NID1: variants seen among roughly 807,000 people sequenced by gnomAD.
The protein encoded by NID1 is nidogen 1, also known as nidogen-1.
NID1 carries 76 observed loss-of-function variants against 130.6 expected under a neutral mutation model. The ratio of observed to expected loss-of-function variants is 0.58; its 90% CI spans 0.48 to 0.70. The LOEUF (loss-of-function observed/expected upper bound fraction) is 0.70. Among genes scored for constraint, NID1 ranks in the 30% least tolerant of loss-of-function variants. The pLI, the probability that NID1 is intolerant of heterozygous loss-of-function variation, is 0.00. For synonymous variants in NID1, 665 were observed against 675.1 expected (o/e 0.98, Z 0.23); for missense variants, 1,517 against 1,664.8 (o/e 0.91, Z 1.54).
At chr1:236,053,024 G>A (rs185279313) in intron 1 of NID1, among the ~76,000 whole-genome samples, 30 of 152,342 alleles carry the variant, frequency 2.0e-4, no homozygotes, top group Admixed American at 4.6e-4. Context: ...GCAAGCTGCC[G>A]GATTTGTGAT....
chr1:236,064,641 C>T, intron 1 of NID1: 1 of 605,982 alleles, frequency 1.7e-6, no homozygotes, highest in Non-Finnish European at 3.0e-6. Flanking sequence ...CGGAGCCACC[C>T]AGACCCCGCG....
intron 4 of NID1, among the ~76,000 whole-genome samples, chr1:236,041,394 G>GAT (rs926870583): frequency 5.3e-5 from 8 of 151,758 alleles, no homozygotes; most frequent in East Asian, 3.9e-4. Context: ...TATCTACTTT[G>GAT]ATATATATAT....
intron 1 of NID1, chr1:236,064,447 G>C (rs953066733): frequency 4.9e-6 from 1 of 202,738 alleles, no homozygotes; most frequent in South Asian, 8.2e-5. Context: ...TCCAGCTCCG[G>C]CTCTTGCCCT....
At position 236,045,016 on chromosome 1, in the gene NID1, T is replaced by C. The variant is rs1659556623; in HGVS notation, c.752+441A>G. ...GAGTTCAAGACCAGCCTGGCCAACA[T>C]GGTGAAACCCCGTCTCTACTAAAAA... On this transcript the variant is annotated intron_variant, in intron 3 of 19. Coordinates refer to ENST00000264187, the MANE Select transcript of NID1 (RefSeq NM_002508.3). 2.0e-5 allele frequency among the ~76,000 whole-genome samples: 3 copies of C among 152,036 alleles called. 1 individual carries two copies. The South Asian group carries it at 6.2e-4, about 32-fold the overall frequency.
At chr1:236,051,515 T>C (rs1418795234) in intron 1 of NID1, among the ~76,000 whole-genome samples, 2 of 152,260 alleles carry the variant, frequency 1.3e-5, no homozygotes, top group Middle Eastern at 3.4e-3. Context: ...TAACCACATG[T>C]TATGGGCTAT....
At chr1:236,040,925 A>G (rs948681822) in intron 4 of NID1, among the ~76,000 whole-genome samples, 1 of 152,160 alleles carries the variant, frequency 6.6e-6, no homozygotes, top group Non-Finnish European at 1.5e-5. Flanking sequence ...TTGGCCTCCC[A>G]AAGTGCTGGG....
rs759390678 is a variant in NID1 at position 236,013,462 on chromosome 1, A to G, written c.2353T>C (p.Tyr785His). 1.9e-6 allele frequency: 3 copies of G among 1,614,168 alleles called. No homozygotes were observed. In the Admixed American group the frequency reaches 5.0e-5, roughly 27 times the overall value. The change falls in exon 11 of 20, where the codon TAC becomes CAC. Residue 785 changes from tyrosine (Y) to histidine (H), a missense_variant. Transcript: ENST00000264187. Reference sequence around the variant, plus strand: ...AAGCCTGGCAAGCAGGAACAGGTGTAGGAGGAGCCTCCTGTGTAGATACAC... The same window carrying G: ...AAGCCTGGCAAGCAGGAACAGGTGTGGGAGGAGCCTCCTGTGTAGATACAC... The part of the protein sequence containing the change: ...AQCIYTGGSS[Y>H]TCSCLPGFSG...
At chr1:236,000,074 CGTGGT>C (rs1658035045) in intron 12 of NID1, among the ~76,000 whole-genome samples, 1 of 152,024 alleles carries the variant, frequency 6.6e-6, no homozygotes, top group Admixed American at 6.6e-5. Context: ...ATTAGCTGGG[CGTGGT>C]GATGGGCGCC....
chr1:236,062,764 C>T (rs1436258527), intron 1 of NID1, among the ~76,000 whole-genome samples: 3 of 152,050 alleles, frequency 2.0e-5, no homozygotes, highest in Non-Finnish European at 4.4e-5. Flanking sequence ...ATAGTTGCTG[C>T]ATGTGTCTCA....
In NID1 at chr1:236,040,390, C is replaced by T. The variant is rs568123209; in HGVS notation, c.1135+1520G>A. The stretch of plus-strand genomic sequence containing the variant: ...ACGCCAGCCAGTAAGCACCCCATCT[C>T]GTCCACAGTTTGGGATACTCGTGAG... On this transcript the variant is annotated intron_variant, in intron 4 of 19. Transcript: ENST00000264187. 3.9e-5 allele frequency among the ~76,000 whole-genome samples: 6 copies of T among 152,270 alleles called. No homozygotes were observed. In the East Asian group the frequency reaches 9.7e-4, roughly 25 times the overall value.
chr1:236,015,009 G>A (rs531208645), intron 10 of NID1, among the ~76,000 whole-genome samples: 2 of 152,192 alleles, frequency 1.3e-5, no homozygotes, highest in Non-Finnish European at 1.5e-5. Flanking sequence ...TCCCTTCCCC[G>A]ATAATGGATA....
chr1:236,008,386 C>T (rs183740958), intron 12 of NID1, among the ~76,000 whole-genome samples: 11 of 152,328 alleles, frequency 7.2e-5, no homozygotes, highest in African/African-American at 2.6e-4. Flanking sequence ...CTTCTGTATA[C>T]AGTAAGTACC....
At chr1:235,991,420 C>T (rs917896648) in intron 13 of NID1, among the ~76,000 whole-genome samples, 25 of 152,120 alleles carry the variant, frequency 1.6e-4, no homozygotes, top group African/African-American at 5.1e-4. Flanking sequence ...GCAACCTCTG[C>T]CTGCCTGGTT....
At position 236,025,929 on chromosome 1, in the gene NID1, A is replaced by G; in HGVS notation, c.1951T>C (p.Tyr651His). 1 of 1,613,914 alleles carries G rather than the reference A, an allele frequency of 6.2e-7. No homozygotes were observed. Among genetic ancestry groups the G allele is most frequent in the Non-Finnish European group, 8.5e-7 (1 of 1,179,972 alleles). Residue 651 changes from tyrosine (Y) to histidine (H), a missense_variant, in exon 8 of 20, where the codon TAT becomes CAT. Transcript: ENST00000264187. ...LYNQEEKILR[Y>H]ALSNSIGPVR... The stretch of plus-strand genomic sequence containing the variant: ...GGCCCAATGGAGTTGCTGAGAGCAT[A>G]GCGCAAGATCTTCTCCTCCTGGTTG...
rs34470198 is a variant in NID1, at chr1:235,993,828, C to T, written c.2572G>A (p.Gly858Arg). The T allele has an allele frequency of 5.6e-6, 9 of 1,614,114 alleles. No individual in the cohort carries two copies. Among genetic ancestry groups the T allele is most frequent in the Non-Finnish European group, 7.6e-6 (9 of 1,179,970 alleles). The change falls in exon 13 of 20, where the codon GGG (glycine) becomes AGG (arginine). Residue 858 changes from glycine (G) to arginine (R), a missense_variant. Transcript: ENST00000264187. The stretch of plus-strand genomic sequence containing the variant: ...TGTGGGTCTGTCGCCCCCGCTGCCC[C>T]GAGAATGTGTTCTCGCTCGTGCTGG... Reference protein sequence around the residue: ...RCQHEREHILGAAGATDPQRP... With the variant: ...RCQHEREHILRAAGATDPQRP...
At chr1:236,052,791 T>A (rs1659798079) in intron 1 of NID1, among the ~76,000 whole-genome samples, 1 of 152,122 alleles carries the variant, frequency 6.6e-6, no homozygotes, top group Non-Finnish European at 1.5e-5. Flanking sequence ...GGAGCCCCCT[T>A]GTGATAGGAC....
In NID1 at chr1:236,054,392, G is replaced by T. The variant is rs1282302600; in HGVS notation, c.226-5403C>A. Among the ~76,000 whole-genome samples the T allele has an allele frequency of 2.0e-5, 3 of 152,126 alleles. No homozygotes were observed. In the East Asian group the frequency reaches 5.8e-4, roughly 30 times the overall value. On this transcript the variant is annotated intron_variant, in intron 1 of 19. Coordinates refer to ENST00000264187, the MANE Select transcript of NID1 (RefSeq NM_002508.3). ...AATCGCTTGAACCTGGGAGGTGGAG[G>T]TTACAGTGAGCCGAGACTGCGTCAT...
At chr1:236,033,334 G>T (rs990287081) in intron 5 of NID1, among the ~76,000 whole-genome samples, 30 of 152,170 alleles carry the variant, frequency 2.0e-4, no homozygotes, top group African/African-American at 7.0e-4. Context: ...AGTAAAAGGA[G>T]TGTGGAATTG....
intron 3 of NID1, 48 bp from the exon 4 acceptor site, chr1:236,042,340 C>A: frequency 6.4e-7 from 1 of 1,567,210 alleles, no homozygotes; most frequent in South Asian, 1.2e-5. Context: ...AACCCACCAA[C>A]AGCCACCACT....
Sources: allele counts gnomAD v4.1 joint callset (sites outside exome capture counted in the v4.1 genomes callset), GRCh38; gene constraint gnomAD v4.1.1; transcripts MANE v1.5; gene names NCBI Gene and HGNC (gene_info 2026-07-23, HGNC 2026-07-21).